The following MYH10 variants were observed in gnomAD, a reference collection of about 807,000 sequenced individuals.
MYH10 encodes the protein myosin heavy chain 10.
In MYH10, 55 loss-of-function variants were observed where a neutral mutation model predicts 257.8. The ratio of observed to expected loss-of-function variants is 0.21; its 90% CI spans 0.17 to 0.27. The LOEUF (loss-of-function observed/expected upper bound fraction) is 0.27, where lower values mean the gene tolerates loss of function less well. Ranked by LOEUF, MYH10 falls within the 10% of genes least tolerant of loss-of-function variation. The pLI, the probability that MYH10 is intolerant of heterozygous loss-of-function variation, is 1.00. For synonymous variants in MYH10, 854 were observed against 921.7 expected (o/e 0.93, Z 1.33); for missense variants, 1,631 against 2,500.6 (o/e 0.65, Z 7.42).
intron 4 of MYH10, among the ~76,000 whole-genome samples, chr17:8,587,197 G>GAGCC (rs1410564047): frequency 1.3e-5 from 2 of 152,098 alleles, no homozygotes; most frequent in Admixed American, 1.3e-4. Context: ...ACGCAGCAGT[G>GAGCC]AGCCTCCAAT....
chr17:8,571,173 G>GTTT (rs10657223), intron 6 of MYH10, among the ~76,000 whole-genome samples: 11 of 146,936 alleles, frequency 7.5e-5, no homozygotes, highest in South Asian at 6.4e-4. Context: ...TTCCTGTAAA[G>GTTT]TTTTTGTTTT....
rs146575931 is a variant in MYH10, at chr17:8,535,240, C to A, written c.1894+147G>T. ...AAGTATTGTTAAAACGGATAAATTC[C>A]GATATAACGGCAGCCCTGCTCTAGG... On this transcript the variant is annotated intron_variant, in intron 16 of 42. Transcript: ENST00000360416. The surrounding 1 kb of genome is among the most constrained non-coding windows in gnomAD (Gnocchi z 4.3). 228 of 561,234 alleles carry A rather than the reference C, an allele frequency of 4.1e-4. No individual in the cohort carries two copies. Among genetic ancestry groups the A allele is most frequent in the Admixed American group, 1.2e-3 (39 of 31,934 alleles). 34.8% of individuals were successfully genotyped at this position (561,234 alleles called of 1,614,324 possible).
chr17:8,613,924 C>CTTTGCAAGAAAACAACAGTCAAT (rs1051060254), intron 2 of MYH10, among the ~76,000 whole-genome samples: 1 of 152,030 alleles, frequency 6.6e-6, no homozygotes, highest in Non-Finnish European at 1.5e-5. Context: ...AAATATCAGA[C>CTTTGCAAGAAAACAACAGTCAAT]TTTGCAAGAA....
intron 7 of MYH10, among the ~76,000 whole-genome samples, chr17:8,568,234 T>G (rs1044698639): frequency 3.9e-5 from 6 of 152,194 alleles, no homozygotes; most frequent in Admixed American, 2.0e-4. Context: ...AAACCAATCC[T>G]GCCAACACCT....
chr17:8,590,204 G>C (rs1237873290), intron 3 of MYH10, among the ~76,000 whole-genome samples: 6 of 152,218 alleles, frequency 3.9e-5, no homozygotes, highest in African/African-American at 1.4e-4. Flanking sequence ...CGTTCACTAT[G>C]TCGTATTCTT....
chr17:8,477,416 C>A lies in MYH10; in HGVS notation c.5707-368G>T, dbSNP rs966878019. Among the ~76,000 whole-genome samples the A allele has an allele frequency of 7.2e-5, 11 of 152,090 alleles. No homozygotes were observed. Among genetic ancestry groups the A allele is most frequent in the African/African-American group, 2.7e-4 (11 of 41,402 alleles). On this transcript the variant is annotated intron_variant, in intron 41 of 42. Coordinates refer to ENST00000360416, the MANE Select transcript of MYH10 (RefSeq NM_001256012.3). This position sits in a 1 kb window ranked among gnomAD's most constrained non-coding sequence, Gnocchi z 4.2. The stretch of plus-strand genomic sequence containing the variant: ...AAGAACCAGCAATGTGGGACAATCC[C>A]CAGCCCAGAAGATGGTACAATGCAT...
chr17:8,589,208 T>C (rs1473095890), intron 3 of MYH10, 100 bp from the exon 4 acceptor site: 1 of 1,224,372 alleles, frequency 8.2e-7, no homozygotes, highest in African/African-American at 1.5e-5. Flanking sequence ...CTATAAAATA[T>C]TAGTAACTAC....
At chr17:8,602,331 A>T (rs2084640011) in intron 3 of MYH10, among the ~76,000 whole-genome samples, 1 of 152,138 alleles carries the variant, frequency 6.6e-6, no homozygotes, top group African/African-American at 2.4e-5. Context: ...TTGAATCTAA[A>T]ATGATAGATC....
chr17:8,602,880 T>G (rs991076971), intron 3 of MYH10, among the ~76,000 whole-genome samples: 1 of 152,220 alleles, frequency 6.6e-6, no homozygotes, highest in Non-Finnish European at 1.5e-5. Context: ...ACACAAAGCC[T>G]TTACCCAGTG....
intron 7 of MYH10, among the ~76,000 whole-genome samples, chr17:8,558,833 C>T (rs551346519): frequency 3.2e-4 from 48 of 152,294 alleles, no homozygotes; most frequent in Non-Finnish European, 5.1e-4. Context: ...GAATGGTCAA[C>T]CCAATGACTT....
Position 8,569,155 on chromosome 17 carries a change from G to T in MYH10, c.756+565C>A, listed in dbSNP as rs971911268. On this transcript the variant is annotated intron_variant, in intron 7 of 42. Transcript: ENST00000360416. The surrounding 1 kb of genome is among the most constrained non-coding windows in gnomAD (Gnocchi z 4.1). ...GAGGATGCCTTGAGACCAGGAGTTGGTGGCTGCAGTGAGCTATGACTGTGC... is the reference window on the plus strand; with the variant it reads ...GAGGATGCCTTGAGACCAGGAGTTGTTGGCTGCAGTGAGCTATGACTGTGC... Among the ~76,000 whole-genome samples, 3 of 151,842 alleles carry T rather than the reference G, an allele frequency of 2.0e-5. No individual in the cohort carries two copies. Among genetic ancestry groups the T allele is most frequent in the African/African-American group, 7.3e-5 (3 of 41,316 alleles).
At chr17:8,531,107 T>C (rs1407544290) in intron 16 of MYH10, among the ~76,000 whole-genome samples, 1 of 152,186 alleles carries the variant, frequency 6.6e-6, no homozygotes, top group African/African-American at 2.4e-5. Flanking sequence ...TGTCAAAAAT[T>C]ACGCTGCTGT....
Position 8,475,957 on chromosome 17 carries a change from CA to C in MYH10, c.5880-10del, listed in dbSNP as rs1208949671. On this transcript the variant is annotated splice_polypyrimidine_tract_variant and intron_variant, in intron 42 of 42. Transcript: ENST00000360416. ...TGATGGGGCCACCCCGCCTGGAGAA[CA>C]CAGGAAGCAGATGTGTGTGGGTAAA... The C allele has an allele frequency of 1.2e-6, 2 of 1,610,978 alleles. No individual in the cohort carries two copies. The highest frequency in any genetic ancestry group is 1.7e-6 in the Non-Finnish European group (2 of 1,179,304).
chr17:8,565,363 G>C (rs2083131339), intron 7 of MYH10, among the ~76,000 whole-genome samples: 1 of 152,016 alleles, frequency 6.6e-6, no homozygotes, highest in Non-Finnish European at 1.5e-5. Context: ...AATATTAAAG[G>C]GGAATTTTAA....
intron 4 of MYH10, among the ~76,000 whole-genome samples, chr17:8,578,494 C>T (rs1000184731): frequency 5.9e-5 from 9 of 151,988 alleles, no homozygotes; most frequent in Admixed American, 2.0e-4. Context: ...TCCACCTGCC[C>T]AGCCTGTGTT....
chr17:8,480,138 G>C lies in MYH10; in HGVS notation c.5569C>G (p.Leu1857Val). 1 of 1,614,186 alleles carries C rather than the reference G, an allele frequency of 6.2e-7. No homozygotes were observed. Among genetic ancestry groups the C allele is most frequent in the South Asian group, 1.1e-5 (1 of 91,088 alleles). The change falls in exon 40 of 43, where the codon CTG (leucine) becomes GTG (valine). Residue 1857 changes from leucine (L) to valine (V), a missense_variant. Transcript: ENST00000360416. ...ISALEAKIGQ[L>V]EEQLEQEAKE... ...GCTTCCTGCTCAAGCTGCTCCTCCAGCTGCCCAATCTTGGCCTCCAGGGCT... is the reference window on the plus strand; with the variant it reads ...GCTTCCTGCTCAAGCTGCTCCTCCACCTGCCCAATCTTGGCCTCCAGGGCT...
chr17:8,491,730 G>A (rs755131878), intron 34 of MYH10, among the ~76,000 whole-genome samples: 15 of 152,182 alleles, frequency 9.9e-5, no homozygotes, highest in African/African-American at 1.4e-4. Flanking sequence ...TCTTCAACAC[G>A]TCATACACTA....
In MYH10 at chr17:8,565,848, T is replaced by C. The variant is rs150038675; in HGVS notation, c.756+3872A>G. On this transcript the variant is annotated intron_variant, in intron 7 of 42. Coordinates refer to ENST00000360416, the MANE Select transcript of MYH10 (RefSeq NM_001256012.3). ...TAAAATAGGTTTCTATCAGACTTGA[T>C]TGTCAACCTTTGGAATAGGATGTAT... 8.5e-3 allele frequency among the ~76,000 whole-genome samples: 1,295 copies of C among 152,314 alleles called. 21 individuals are homozygous for C. The highest frequency in any genetic ancestry group is 0.029 in the African/African-American group (1,188 of 41,570).
rs796427112 is a variant in MYH10 at position 8,479,045 on chromosome 17, C to T, written c.5598-599G>A. On this transcript the variant is annotated intron_variant, in intron 40 of 42. Transcript: ENST00000360416. The stretch of plus-strand genomic sequence containing the variant: ...GCGCACCCGGCCTGTACACAGTGAT[C>T]TAAAGAGCAAATGTTACATACAATC... Among the ~76,000 whole-genome samples the T allele has an allele frequency of 3.3e-5, 5 of 152,312 alleles. No individual in the cohort carries two copies. The East Asian group carries it at 5.8e-4, about 18-fold the overall frequency.
Sources: allele counts gnomAD v4.1 joint callset (sites outside exome capture counted in the v4.1 genomes callset), GRCh38; gene constraint gnomAD v4.1.1; non-coding constraint Gnocchi (gnomAD v3.1); transcripts MANE v1.5; gene names NCBI Gene and HGNC (gene_info 2026-07-23, HGNC 2026-07-21).